The following HPSE2 variants were observed in gnomAD, a reference collection of about 807,000 sequenced individuals.
The protein encoded by HPSE2 is heparanase 2 (inactive).
HPSE2 carries 38 observed loss-of-function variants against 60.5 expected under a neutral mutation model. The ratio of observed to expected loss-of-function variants is 0.63; its 90% CI spans 0.48 to 0.82. HPSE2 has a LOEUF of 0.82. Ranked by LOEUF, HPSE2 falls within the 40% of genes least tolerant of loss-of-function variation. HPSE2 has a pLI of 0.00. For synonymous variants in HPSE2, 295 were observed against 293.2 expected, an observed-to-expected ratio of 1.01 and a Z score of -0.06; for missense variants, 713 against 740.4, an observed-to-expected ratio of 0.96 and a Z score of 0.43.
intron 9 of HPSE2, among the ~76,000 whole-genome samples, chr10:98,560,635 T>C (rs1944145093): frequency 6.6e-6 from 1 of 152,236 alleles, no homozygotes; most frequent in African/African-American, 2.4e-5. Flanking sequence ...TCAGTCCCAC[T>C]ACAACTGCTT....
At chr10:98,647,876 T>C (rs1252776149) in intron 6 of HPSE2, among the ~76,000 whole-genome samples, 1 of 152,214 alleles carries the variant, frequency 6.6e-6, no homozygotes, top group Non-Finnish European at 1.5e-5. Context: ...AGAATACAGA[T>C]GTTTCTTTGG....
the HPSE2 span, among the ~76,000 whole-genome samples, chr10:99,308,278 C>T: frequency 3.3e-5 from 5 of 149,598 alleles, no homozygotes; most frequent in Non-Finnish European, 7.4e-5. Context: ...ATCCCAGCTA[C>T]TTGGGAGGCT....
intron 5 of HPSE2, among the ~76,000 whole-genome samples, chr10:98,696,399 C>T (rs956961497): frequency 6.6e-6 from 1 of 151,568 alleles, no homozygotes; most frequent in Admixed American, 6.6e-5. Flanking sequence ...GCTGGCGTGA[C>T]CCACAGAGAG....
intron 2 of HPSE2, among the ~76,000 whole-genome samples, chr10:99,216,005 T>C (rs1490169220): frequency 6.6e-6 from 1 of 152,196 alleles, no homozygotes; most frequent in Admixed American, 6.5e-5. Flanking sequence ...GTTCAATAAA[T>C]GTAGTCTGAT....
intron 3 of HPSE2, among the ~76,000 whole-genome samples, chr10:98,821,797 C>T (rs1951430632): frequency 6.6e-6 from 1 of 152,066 alleles, no homozygotes; most frequent in Admixed American, 6.6e-5. Flanking sequence ...ATCAAAATTT[C>T]TGGGCACTCT....
chr10:98,489,244 A>T (rs1941553965), intron 10 of HPSE2, among the ~76,000 whole-genome samples: 1 of 152,152 alleles, frequency 6.6e-6, no homozygotes, highest in African/African-American at 2.4e-5. Context: ...GGCCAGATGG[A>T]TTTTGCTTTA....
chr10:98,953,981 T>C, intron 3 of HPSE2, among the ~76,000 whole-genome samples: 1 of 152,178 alleles, frequency 6.6e-6, no homozygotes, highest in East Asian at 1.9e-4. Flanking sequence ...TAGTTATTAC[T>C]ATTGAGAAGA....
chr10:98,992,962 C>G (rs527524818), intron 3 of HPSE2, among the ~76,000 whole-genome samples: 1 of 152,294 alleles, frequency 6.6e-6, no homozygotes, highest in African/African-American at 2.4e-5. Context: ...CTACAGTTAA[C>G]CAATATCCAG....
chr10:98,998,831 T>TATGA (rs1016478962), intron 3 of HPSE2, among the ~76,000 whole-genome samples: 42 of 152,310 alleles, frequency 2.8e-4, no homozygotes, highest in African/African-American at 9.6e-4. Context: ...TCACAAGGCA[T>TATGA]ATGAGGCTGT....
At chr10:98,594,670 T>G (rs1231956526) in intron 9 of HPSE2, among the ~76,000 whole-genome samples, 1 of 152,216 alleles carries the variant, frequency 6.6e-6, no homozygotes, top group Non-Finnish European at 1.5e-5. Flanking sequence ...TTCTATTGTG[T>G]ATATATACCA....
At chr10:99,124,777 TG>T (rs1013652959) in intron 3 of HPSE2, among the ~76,000 whole-genome samples, 3 of 152,222 alleles carry the variant, frequency 2.0e-5, no homozygotes, top group African/African-American at 7.2e-5. Context: ...CAGAGATCCC[TG>T]GGTCCGCAGC....
upstream of HPSE2, among the ~76,000 whole-genome samples, chr10:99,239,090 A>G (rs981080190): frequency 3.3e-5 from 5 of 152,018 alleles, no homozygotes; most frequent in Non-Finnish European, 5.9e-5. Context: ...ACCTGGGAGG[A>G]GGAGGTTGCA....
At chr10:99,035,049 T>C (rs2135460347) in intron 3 of HPSE2, among the ~76,000 whole-genome samples, 1 of 152,310 alleles carries the variant, frequency 6.6e-6, no homozygotes, top group South Asian at 2.1e-4. Context: ...ACTGTAGAGT[T>C]TATAAACACT....
intron 3 of HPSE2, among the ~76,000 whole-genome samples, chr10:99,121,432 C>A: frequency 6.6e-6 from 1 of 151,732 alleles, no homozygotes; most frequent in Non-Finnish European, 1.5e-5. Flanking sequence ...ACATGTACCA[C>A]TGAACTTAAA....
rs115775827 is a variant in HPSE2 at position 98,507,324 on chromosome 10, A to G, written c.1321-17128T>C. Reference sequence around the variant, plus strand: ...GATAATGTTTTGTATGTGTCAAATAATATATTTAAAACATAATACATGAAA... The same window carrying G: ...GATAATGTTTTGTATGTGTCAAATAGTATATTTAAAACATAATACATGAAA... On this transcript the variant is annotated intron_variant, in intron 9 of 11. Coordinates refer to ENST00000370552, the MANE Select transcript of HPSE2 (RefSeq NM_021828.5). 4.8e-3 allele frequency among the ~76,000 whole-genome samples: 728 copies of G among 152,320 alleles called. 7 individuals carry two copies. Among genetic ancestry groups the G allele is most frequent in the African/African-American group, 0.016 (658 of 41,578 alleles).
chr10:98,641,773 G>A (rs1037278682), intron 7 of HPSE2, 74 bp downstream of exon 7: 14 of 1,130,138 alleles, frequency 1.2e-5, no homozygotes, highest in Non-Finnish European at 1.9e-5. Flanking sequence ...CTGATGCCCA[G>A]CTGGGACTTT....
chr10:98,459,626 A>T lies in HPSE2; in HGVS notation c.1727T>A (p.Met576Lys). 1.2e-6 allele frequency: 2 copies of T among 1,614,170 alleles called. No homozygotes were observed. Among genetic ancestry groups the T allele is most frequent in the Non-Finnish European group, 8.5e-7 (1 of 1,180,024 alleles). Residue 576 changes from methionine (M) to lysine (K), a missense_variant, in exon 12 of 12, where the codon ATG becomes AAG. Met to Lys is a moderately conservative substitution (Grantham distance 95). Coordinates refer to ENST00000370552, the MANE Select transcript of HPSE2 (RefSeq NM_021828.5). Reference sequence around the variant, plus strand: ...GACATTCTTGACCACATAAAAGCCCATGGTGACTGGAGGGATGACCAATGT... The same window carrying T: ...GACATTCTTGACCACATAAAAGCCCTTGGTGACTGGAGGGATGACCAATGT... ...GRTLVIPPVT[M>K]GFYVVKNVNA...
At chr10:98,785,588 T>G (rs1950552461) in intron 3 of HPSE2, among the ~76,000 whole-genome samples, 1 of 131,752 alleles carries the variant, frequency 7.6e-6, no homozygotes, top group Admixed American at 7.7e-5. Context: ...TCTTTTTGGT[T>G]GGTAAACTAT....
chr10:98,888,920 G>T (rs1284418802), intron 3 of HPSE2, among the ~76,000 whole-genome samples: 2 of 152,118 alleles, frequency 1.3e-5, no homozygotes, highest in African/African-American at 4.8e-5. Flanking sequence ...GTTGGGCATG[G>T]TGCCTCATCC....
Sources: gnomAD v4.1 joint callset for allele counts (sites outside exome capture counted in the v4.1 genomes callset) on GRCh38, gnomAD v4.1.1 for gene constraint, MANE v1.5 for transcripts, NCBI Gene and HGNC (gene_info 2026-07-23, HGNC 2026-07-21) for gene names.